Variants in MYRIP observed in about 807,000 individuals in gnomAD.
MYRIP encodes rab effector MyRIP.
In MYRIP, 49 loss-of-function variants were observed where a neutral mutation model predicts 98.0. The observed-to-expected ratio is 0.50, with a 90% CI of 0.40 to 0.63. The LOEUF is 0.63. Among genes scored for constraint, MYRIP ranks in the 30% least tolerant of loss-of-function variants. The probability of loss-of-function intolerance (pLI) is 0.00; values close to 1 mark genes in which losing one functional copy is unlikely to be tolerated. For missense variants in MYRIP, 1,004 were observed against 1,058.2 expected (o/e 0.95, Z 0.71); for synonymous variants, 404 against 409.5 (o/e 0.99, Z 0.16).
At chr3:40,014,997 G>T (rs530572561) in intron 2 of MYRIP, among the ~76,000 whole-genome samples, 35 of 152,284 alleles carry the variant, frequency 2.3e-4, no homozygotes, top group Non-Finnish European at 4.3e-4. Context: ...GCCCAGGGGA[G>T]TTTGGTGATC....
intron 2 of MYRIP, among the ~76,000 whole-genome samples, chr3:39,959,413 T>A (rs1945260599): frequency 6.6e-6 from 1 of 152,066 alleles, no homozygotes; most frequent in Non-Finnish European, 1.5e-5. Context: ...CTCAGCAAAC[T>A]ATCGCAGGGA....
At chr3:40,238,098 C>A (rs934843826) in intron 12 of MYRIP, among the ~76,000 whole-genome samples, 27 of 152,228 alleles carry the variant, frequency 1.8e-4, no homozygotes, top group African/African-American at 6.5e-4. Context: ...TGACTGCTCC[C>A]CTCTTCTGCA....
Position 40,133,652 on chromosome 3 carries a change from G to A in MYRIP, c.333-17396G>A, listed in dbSNP as rs528392137. 9.9e-4 allele frequency among the ~76,000 whole-genome samples: 151 copies of A among 152,226 alleles called. 1 individual carries two copies. Among genetic ancestry groups the A allele is most frequent in the African/African-American group, 3.4e-3 (142 of 41,548 alleles). On this transcript the variant is annotated intron_variant, in intron 3 of 16. Transcript: ENST00000302541. Reference sequence around the variant, plus strand: ...CTCAGGAGGCTGAGGCAGGAGAATCGCTTGAACCCAAGAGGTGGAGATTGC... The same window carrying A: ...CTCAGGAGGCTGAGGCAGGAGAATCACTTGAACCCAAGAGGTGGAGATTGC...
chr3:39,849,274 GAA>G (rs1171113802), intron 1 of MYRIP, among the ~76,000 whole-genome samples: 2 of 151,966 alleles, frequency 1.3e-5, no homozygotes, highest in African/African-American at 2.4e-5. Flanking sequence ...AATAAGGAAA[GAA>G]AAAAAATTTC....
At position 40,169,944 on chromosome 3, in the gene MYRIP, C is replaced by T. The variant is rs1227983925; in HGVS notation, c.730-6C>T. On this transcript the variant is annotated splice_polypyrimidine_tract_variant and splice_region_variant and intron_variant, in intron 7 of 16. Coordinates refer to ENST00000302541, the MANE Select transcript of MYRIP (RefSeq NM_015460.4). ...ACTTGCCCCTTTTTTGTCCTCCCCT[C>T]CCCAGATTATACGAAAACAGAAGAG... is the stretch of plus-strand genomic sequence containing the variant. 1 of 1,614,174 alleles carries T rather than the reference C, an allele frequency of 6.2e-7. No individual in the cohort carries two copies. The highest frequency in any genetic ancestry group is 1.3e-5 in the African/African-American group (1 of 75,050).
At chr3:39,937,176 C>T (rs2125705723) in intron 2 of MYRIP, among the ~76,000 whole-genome samples, 1 of 152,276 alleles carries the variant, frequency 6.6e-6, no homozygotes, top group Non-Finnish European at 1.5e-5. Context: ...TGGCCCATCC[C>T]CTGCCTTCCT....
chr3:39,901,908 G>C (rs1416498015), intron 2 of MYRIP, among the ~76,000 whole-genome samples: 5 of 152,096 alleles, frequency 3.3e-5, no homozygotes, highest in Admixed American at 2.6e-4. Flanking sequence ...TTGCCAAGAA[G>C]TATAAAGTCT....
chr3:40,092,248 G>C (rs1948747400), intron 3 of MYRIP, among the ~76,000 whole-genome samples: 3 of 152,142 alleles, frequency 2.0e-5, no homozygotes, highest in Admixed American at 1.3e-4. Context: ...TAGAGTTTTT[G>C]CTGCTTGTTC....
chr3:40,098,469 T>C (rs1354068195), intron 3 of MYRIP, among the ~76,000 whole-genome samples: 1 of 152,214 alleles, frequency 6.6e-6, no homozygotes, highest in East Asian at 1.9e-4. Context: ...TCTTCCCTCC[T>C]AACACTCTGT....
intron 3 of MYRIP, among the ~76,000 whole-genome samples, chr3:40,048,020 C>T (rs1230519311): frequency 6.6e-6 from 1 of 152,164 alleles, no homozygotes; most frequent in Non-Finnish European, 1.5e-5. Context: ...AGCTCCTCTG[C>T]CCTTCATTCA....
chr3:40,109,452 A>T (rs1575544602), intron 3 of MYRIP, among the ~76,000 whole-genome samples: 1 of 152,184 alleles, frequency 6.6e-6, no homozygotes, highest in Admixed American at 6.5e-5. Context: ...GTCTGAAGAG[A>T]TGGGAACAGA....
chr3:40,155,120 T>C (rs1207973554), intron 4 of MYRIP, among the ~76,000 whole-genome samples: 1 of 151,236 alleles, frequency 6.6e-6, no homozygotes, highest in Non-Finnish European at 1.5e-5. Context: ...TAGGTATATC[T>C]CCTAACGCTA....
At chr3:40,122,494 A>T (rs1263112026) in intron 3 of MYRIP, among the ~76,000 whole-genome samples, 2 of 151,804 alleles carry the variant, frequency 1.3e-5, no homozygotes, top group African/African-American at 4.8e-5. Context: ...AATCCAGATT[A>T]TCATAAAGAT....
At position 40,031,311 on chromosome 3, in the gene MYRIP, A is replaced by G. The variant is rs571069459; in HGVS notation, c.111-12739A>G. Among the ~76,000 whole-genome samples the G allele has an allele frequency of 3.9e-5, 6 of 152,214 alleles. No homozygotes were observed. In the South Asian group the frequency reaches 1.2e-3, roughly 32 times the overall value. ...CCTAATCACCTCCTAAAAACATCAC[A>G]CTGGGGGTTAGTTTTCAACCTAAGA... On this transcript the variant is annotated intron_variant, in intron 2 of 16. Coordinates refer to ENST00000302541, the MANE Select transcript of MYRIP (RefSeq NM_015460.4).
chr3:39,836,892 T>C (rs942251890), intron 1 of MYRIP, among the ~76,000 whole-genome samples: 1 of 152,200 alleles, frequency 6.6e-6, no homozygotes, highest in Non-Finnish European at 1.5e-5. Context: ...ATTTTCCTGG[T>C]TGACCTCCCC....
intron 3 of MYRIP, among the ~76,000 whole-genome samples, chr3:40,146,407 G>A (rs1025749532): frequency 6.6e-6 from 1 of 152,194 alleles, no homozygotes; most frequent in Non-Finnish European, 1.5e-5. Context: ...TGTATGTACT[G>A]AAAGACACAT....
intron 4 of MYRIP, 150 bp downstream of exon 4, chr3:40,151,334 C>T (rs1469547838): frequency 2.0e-5 from 17 of 846,766 alleles, no homozygotes; most frequent in African/African-American, 1.6e-4. Flanking sequence ...AATAGAAGGA[C>T]GGATGCCAGA....
At chr3:40,002,071 C>G (rs1946530980) in intron 2 of MYRIP, among the ~76,000 whole-genome samples, 1 of 152,150 alleles carries the variant, frequency 6.6e-6, no homozygotes. Context: ...AGTTCCTCCT[C>G]AAGGGTGCAA....
intron 1 of MYRIP, among the ~76,000 whole-genome samples, chr3:39,885,580 C>T (rs1247215944): frequency 1.3e-5 from 2 of 151,968 alleles, no homozygotes; most frequent in African/African-American, 2.4e-5. Flanking sequence ...TGGATAATAT[C>T]CCGCAGAGTG....
Sources: gnomAD v4.1 joint callset for allele counts (sites outside exome capture counted in the v4.1 genomes callset) on GRCh38, gnomAD v4.1.1 for gene constraint, MANE v1.5 for transcripts, NCBI Gene and HGNC (gene_info 2026-07-23, HGNC 2026-07-21) for gene names.